LRRTM4: variants seen among roughly 807,000 people sequenced by gnomAD.
The protein encoded by LRRTM4 is leucine rich repeat transmembrane neuronal 4.
In LRRTM4, 25 loss-of-function variants were observed where a neutral mutation model predicts 47.6. The observed-to-expected ratio is 0.53, with a 90% CI of 0.38 to 0.73. The LOEUF is 0.73. LRRTM4 is among the 30% of genes least tolerant of loss of function. LRRTM4 has a pLI of 0.00. For missense variants in LRRTM4, 638 were observed against 713.4 expected (o/e 0.89, Z 1.20); for synonymous variants, 311 against 269.5 (o/e 1.15, Z -1.51).
At chr2:76,949,059 T>C (rs1675416404) in intron 3 of LRRTM4, among the ~76,000 whole-genome samples, 1 of 151,804 alleles carries the variant, frequency 6.6e-6, no homozygotes, top group Non-Finnish European at 1.5e-5. Flanking sequence ...ATCCATACTC[T>C]TCTTACAATT....
chr2:76,987,294 G>A (rs1456465026), intron 3 of LRRTM4: 1 of 151,478 alleles, frequency 6.6e-6, no homozygotes, highest in Non-Finnish European at 1.5e-5. Context: ...ACTTCACCTG[G>A]TGACAAAGTG....
intron 3 of LRRTM4, among the ~76,000 whole-genome samples, chr2:76,935,543 G>C (rs1573335653): frequency 6.6e-6 from 1 of 152,162 alleles, no homozygotes; most frequent in South Asian, 2.1e-4. Flanking sequence ...GTGGTTTGTA[G>C]TTCTCCTTGA....
intron 3 of LRRTM4, among the ~76,000 whole-genome samples, chr2:76,840,848 A>G (rs1573195190): frequency 4.6e-5 from 7 of 152,104 alleles, no homozygotes. Context: ...TAGTTCAACC[A>G]TTGTGGAAGT....
chr2:77,331,140 A>C (rs1405867039), intron 3 of LRRTM4, among the ~76,000 whole-genome samples: 1 of 152,148 alleles, frequency 6.6e-6, no homozygotes, highest in Non-Finnish European at 1.5e-5. Flanking sequence ...TCAGGAGACA[A>C]TATTCTTATC....
intron 3 of LRRTM4, among the ~76,000 whole-genome samples, chr2:77,510,726 C>T (rs1678951556): frequency 1.3e-5 from 2 of 151,954 alleles, no homozygotes; most frequent in South Asian, 4.1e-4. Context: ...TCTTAAGCAA[C>T]TCATCCATGT....
intron 3 of LRRTM4, among the ~76,000 whole-genome samples, chr2:76,807,472 A>ATATATATACG (rs1670554499): frequency 3.0e-5 from 2 of 67,670 alleles, no homozygotes; most frequent in Admixed American, 1.7e-4. Flanking sequence ...ATATATATAC[A>ATATATATACG]TATATATATA....
intron 2 of LRRTM4, among the ~76,000 whole-genome samples, chr2:77,520,994 A>G (rs1171325324): frequency 1.3e-5 from 2 of 151,976 alleles, no homozygotes; most frequent in African/African-American, 2.4e-5. Flanking sequence ...AATCAACCAA[A>G]TCCCTAATCT....
chr2:77,094,335 T>C (rs1396543286), intron 3 of LRRTM4, among the ~76,000 whole-genome samples: 1 of 152,132 alleles, frequency 6.6e-6, no homozygotes, highest in African/African-American at 2.4e-5. Flanking sequence ...AAAGTTTATA[T>C]TGTTAAAATG....
chr2:77,274,854 A>G (rs1293156243), intron 3 of LRRTM4, among the ~76,000 whole-genome samples: 1 of 152,154 alleles, frequency 6.6e-6, no homozygotes. Context: ...AGATATTTTG[A>G]CAGAATGTGT....
At chr2:77,074,951 T>C (rs1407868967) in intron 3 of LRRTM4, among the ~76,000 whole-genome samples, 1 of 152,228 alleles carries the variant, frequency 6.6e-6, no homozygotes, top group Non-Finnish European at 1.5e-5. Context: ...TTCTATGTTT[T>C]TGTTAGCATT....
chr2:77,429,415 C>T (rs749724386), intron 3 of LRRTM4, among the ~76,000 whole-genome samples: 3 of 152,046 alleles, frequency 2.0e-5, no homozygotes, highest in Non-Finnish European at 4.4e-5. Context: ...GATTTTGCAG[C>T]ATTATTCGCA....
chr2:77,480,316 G>A (rs1677623264), intron 3 of LRRTM4, among the ~76,000 whole-genome samples: 2 of 152,176 alleles, frequency 1.3e-5, no homozygotes, highest in Admixed American at 6.5e-5. Flanking sequence ...TTGCAGGGGA[G>A]CAGATTATTT....
At chr2:77,503,589 G>A (rs916987997) in intron 3 of LRRTM4, among the ~76,000 whole-genome samples, 6 of 151,606 alleles carry the variant, frequency 4.0e-5, no homozygotes, top group Admixed American at 1.3e-4. Context: ...ATAAATGGTA[G>A]TGTATTCTGT....
chr2:77,517,654 G>T, intron 3 of LRRTM4: 1 of 973,552 alleles, frequency 1.0e-6, no homozygotes, highest in Non-Finnish European at 1.2e-6. Context: ...GAAGAGAAAG[G>T]AAGGAAAGGA....
At chr2:76,813,581 G>A (rs772313197) in intron 3 of LRRTM4, among the ~76,000 whole-genome samples, 2 of 151,454 alleles carry the variant, frequency 1.3e-5, no homozygotes, top group African/African-American at 2.4e-5. Context: ...AAATTCATGC[G>A]AACAGTAAAA....
At position 77,313,805 on chromosome 2, in the gene LRRTM4, A is replaced by C. The variant is rs577526773; in HGVS notation, c.1551+204513T>G. Reference sequence around the variant, plus strand: ...GAAGACAAAGTTATTCCTAAACATCAATGATTCTTCAAAGACTACCCATTG... The same window carrying C: ...GAAGACAAAGTTATTCCTAAACATCCATGATTCTTCAAAGACTACCCATTG... On this transcript the variant is annotated intron_variant, in intron 3 of 3. Coordinates refer to ENST00000409884, the MANE Select transcript of LRRTM4 (RefSeq NM_001134745.3). Among the ~76,000 whole-genome samples, 6 of 152,260 alleles carry C rather than the reference A, an allele frequency of 3.9e-5. No homozygotes were observed. In the South Asian group the frequency reaches 1.2e-3, roughly 32 times the overall value.
At chr2:77,492,642 C>T (rs922222034) in intron 3 of LRRTM4, among the ~76,000 whole-genome samples, 5 of 151,918 alleles carry the variant, frequency 3.3e-5, no homozygotes, top group South Asian at 4.2e-4. Context: ...GGGGTAACAA[C>T]GCATATATAA....
At chr2:77,257,637 A>G (rs530975622) in intron 3 of LRRTM4, among the ~76,000 whole-genome samples, 1 of 152,176 alleles carries the variant, frequency 6.6e-6, no homozygotes, top group Non-Finnish European at 1.5e-5. Context: ...GCAGGAAAAG[A>G]TAAGTTATAG....
At chr2:77,469,728 C>CAT (rs902175031) in intron 3 of LRRTM4, among the ~76,000 whole-genome samples, 2 of 2,840 alleles carry the variant, frequency 7.0e-4, no homozygotes, top group Admixed American at 6.7e-3. Context: ...ATATGTATAG[C>CAT]ATATATATAT....
Sources: allele counts gnomAD v4.1 joint callset (sites outside exome capture counted in the v4.1 genomes callset), GRCh38; gene constraint gnomAD v4.1.1; transcripts MANE v1.5; gene names NCBI Gene and HGNC (gene_info 2026-07-23, HGNC 2026-07-21).